ANKMY1: variants seen among roughly 807,000 people sequenced by gnomAD.
The protein encoded by ANKMY1 is ankyrin repeat and MYND domain-containing protein 1.
Under a neutral mutation model 102.0 loss-of-function variants are expected in ANKMY1, and 98 were observed. The observed-to-expected ratio is 0.96, with a 90% confidence interval of 0.82 to 1.14. ANKMY1 has a LOEUF of 1.14. Ranked by LOEUF, ANKMY1 falls within the 50% of genes most tolerant of loss-of-function variation. ANKMY1 has a pLI of 0.00. For missense variants in ANKMY1, 1,330 were observed against 1,347.6 expected (o/e 0.99, Z 0.20); for synonymous variants, 582 against 559.9 (o/e 1.04, Z -0.56).
intron 15 of ANKMY1, among the ~76,000 whole-genome samples, chr2:240,496,828 C>T (rs1028795473): frequency 6.6e-6 from 1 of 152,156 alleles, no homozygotes; most frequent in Non-Finnish European, 1.5e-5. Context: ...AATTAGAATT[C>T]GATCAGAGCT....
At position 240,529,411 on chromosome 2, in the gene ANKMY1, C is replaced by A; in HGVS notation, c.579G>T (p.Lys193Asn). The change falls in exon 5 of 18, where the codon AAG becomes AAT. Residue 193 changes from lysine (K) to asparagine (N), a missense_variant. Physicochemically the swap from Lys to Asn is moderately conservative, Grantham distance 94. Coordinates refer to ENST00000401804, the MANE Select transcript of ANKMY1 (RefSeq NM_001282771.3). The surrounding 1 kb of genome is among the most constrained non-coding windows in gnomAD (Gnocchi z 4.2). ...VGLWFREQLI[K>N]LCTQIPSGFS... ...AGCCACTGGGGATCTGGGTGCACAGCTTGATGAGCTGCTCTCGGAACCACA... is the reference window on the plus strand; with the variant it reads ...AGCCACTGGGGATCTGGGTGCACAGATTGATGAGCTGCTCTCGGAACCACA... 2 of 1,614,170 alleles carry A rather than the reference C, an allele frequency of 1.2e-6. No individual in the cohort carries two copies. The highest frequency in any genetic ancestry group is 1.7e-6 in the Non-Finnish European group (2 of 1,180,040).
chr2:240,555,143 G>A lies in ANKMY1; in HGVS notation c.147-88C>T, dbSNP rs2092155093. Reference sequence around the variant, plus strand: ...GAGCACAACCCCCGAGCACAACCCAGCATCTCATTTCATCCCACAGTCCCG... The same window carrying A: ...GAGCACAACCCCCGAGCACAACCCAACATCTCATTTCATCCCACAGTCCCG... On this transcript the variant is annotated intron_variant, in intron 2 of 17. Coordinates refer to ENST00000401804, the MANE Select transcript of ANKMY1 (RefSeq NM_001282771.3). 2.9e-6 allele frequency: 4 copies of A among 1,394,816 alleles called. No homozygotes were observed. In the Admixed American group the frequency reaches 7.5e-5, roughly 26 times the overall value. The allele number at this position is 1,394,816 out of a possible 1,614,324, so 86.4% of individuals were successfully genotyped here.
In ANKMY1 at chr2:240,552,300, A is replaced by G. The variant is rs2091656108; in HGVS notation, c.480+614T>C. On this transcript the variant is annotated intron_variant, in intron 4 of 17. Coordinates refer to ENST00000401804, the MANE Select transcript of ANKMY1 (RefSeq NM_001282771.3). ...TTGGCTCAGAATAAACCTCTTTAAA[A>G]TATTTTGCAGAGTTTGTTTTTTTTC... Among the ~76,000 whole-genome samples, 4 of 150,986 alleles carry G rather than the reference A, an allele frequency of 2.6e-5. No homozygotes were observed. The South Asian group carries it at 8.4e-4, about 32-fold the overall frequency.
At chr2:240,555,230 C>A (rs746104658) in intron 2 of ANKMY1, 175 bp from the exon 3 acceptor site, 1 of 669,716 alleles carries the variant, frequency 1.5e-6, no homozygotes, top group Non-Finnish European at 2.5e-6. Context: ...GAGGGTGCAG[C>A]GATTGCCCAA....
chr2:240,560,905 C>T, upstream of ANKMY1: 3 of 1,526,778 alleles, frequency 2.0e-6, no homozygotes, highest in South Asian at 1.2e-5. Flanking sequence ...TTCGACGACC[C>T]GGCTGAGGAC....
intron 2 of ANKMY1, among the ~76,000 whole-genome samples, chr2:240,556,346 C>G (rs1442487225): frequency 2.6e-5 from 4 of 152,354 alleles, no homozygotes; most frequent in South Asian, 4.1e-4. Flanking sequence ...GCTCTCTTAT[C>G]TGTAAACACT....
At chr2:240,523,444 G>C (rs992319235) in intron 8 of ANKMY1, 8 of 179,984 alleles carry the variant, frequency 4.4e-5, no homozygotes, top group Non-Finnish European at 9.4e-5. Context: ...TTGGACCCCC[G>C]GGGGTGCATA....
chr2:240,499,995 G>T lies in ANKMY1; in HGVS notation c.2769C>A (p.Ser923Arg), dbSNP rs1488260541. 1 of 1,612,944 alleles carries T rather than the reference G, an allele frequency of 6.2e-7. No homozygotes were observed. The highest frequency in any genetic ancestry group is 8.5e-7 in the Non-Finnish European group (1 of 1,179,798). ...QLRQAVFAKE[S>R]QWDPTWLYLC... ...GGTACAGCCACGTGGGGTCCCACTG[G>T]CTCTCCTTGGCAAAGACAGCCTGCC... Residue 923 changes from serine (S) to arginine (R), a missense_variant, in exon 15 of 18, where the codon AGC becomes AGA. Ser to Arg is a moderately radical substitution (Grantham distance 110). Transcript: ENST00000401804. The surrounding 1 kb of genome is among the most constrained non-coding windows in gnomAD (Gnocchi z 4.2).
At chr2:240,518,799 A>C (rs536861014) in intron 9 of ANKMY1, among the ~76,000 whole-genome samples, 1 of 152,316 alleles carries the variant, frequency 6.6e-6, no homozygotes, top group Non-Finnish European at 1.5e-5. Flanking sequence ...CAGTAAACCT[A>C]AAAAGGTATG....
intron 4 of ANKMY1, among the ~76,000 whole-genome samples, chr2:240,541,206 G>A (rs535896276): frequency 2.0e-5 from 3 of 152,218 alleles, no homozygotes; most frequent in Non-Finnish European, 2.9e-5. Context: ...CAGTAGGATC[G>A]GCTCTTCTTA....
At chr2:240,498,109 C>T (rs2077508300) in intron 15 of ANKMY1, among the ~76,000 whole-genome samples, 2 of 152,148 alleles carry the variant, frequency 1.3e-5, no homozygotes, top group South Asian at 4.2e-4. Context: ...AGCAAAGGTG[C>T]ATTCATGTGT....
chr2:240,511,959 C>T lies in ANKMY1; in HGVS notation c.2188G>A (p.Gly730Ser). 2 of 1,565,940 alleles carry T rather than the reference C, an allele frequency of 1.3e-6. No homozygotes were observed. Among genetic ancestry groups the T allele is most frequent in the East Asian group, 2.5e-5 (1 of 40,684 alleles). ...PSSLKLSNEP[G>S]PPQAYYSTDT... ...GTGCTGTAGTAGGCTTGGGGAGGGC[C>T]TGGCTCATTGCTGAGCTTCAGACTT... is the stretch of plus-strand genomic sequence containing the variant. The change falls in exon 11 of 18, where the codon GGC becomes AGC. Residue 730 changes from glycine (G) to serine (S), a missense_variant. Transcript: ENST00000401804.
intron 4 of ANKMY1, among the ~76,000 whole-genome samples, chr2:240,531,650 A>C (rs2085416871): frequency 6.6e-6 from 1 of 152,224 alleles, no homozygotes; most frequent in Non-Finnish European, 1.5e-5. Flanking sequence ...ACCCGGTAAA[A>C]TTGTATGTAT....
At chr2:240,541,897 G>A (rs539440315) in intron 4 of ANKMY1, among the ~76,000 whole-genome samples, 1 of 152,040 alleles carries the variant, frequency 6.6e-6, no homozygotes, top group Non-Finnish European at 1.5e-5. Context: ...TTGGGGTCTG[G>A]GGAGGTTTGG....
At chr2:240,560,415 G>A (rs971290026), upstream of ANKMY1, 17 of 361,664 alleles carry the variant, frequency 4.7e-5, no homozygotes, top group Admixed American at 5.4e-4. Flanking sequence ...CCCGGGGACA[G>A]AGAACATGGG....
At chr2:240,496,771 A>C (rs1307629243) in intron 15 of ANKMY1, among the ~76,000 whole-genome samples, 1 of 152,164 alleles carries the variant, frequency 6.6e-6, no homozygotes, top group Non-Finnish European at 1.5e-5. Context: ...GATTGTTCAT[A>C]ATTTGCAACA....
chr2:240,518,203 C>T (rs184674061), intron 9 of ANKMY1, among the ~76,000 whole-genome samples: 2 of 152,160 alleles, frequency 1.3e-5, no homozygotes, highest in Admixed American at 6.5e-5. Context: ...AACTTGGGAA[C>T]GTTACATTTG....
At chr2:240,548,976 G>T (rs1327112829) in intron 4 of ANKMY1, among the ~76,000 whole-genome samples, 1 of 152,086 alleles carries the variant, frequency 6.6e-6, no homozygotes, top group Non-Finnish European at 1.5e-5. Flanking sequence ...TCCCCATCAA[G>T]CTACCAATGA....
intron 15 of ANKMY1, among the ~76,000 whole-genome samples, chr2:240,488,003 G>A (rs1406305895): frequency 1.3e-5 from 2 of 151,952 alleles, no homozygotes; most frequent in Non-Finnish European, 2.9e-5. Context: ...TCTATTTTTG[G>A]TTTTGTTGCC....
Sources: allele counts gnomAD v4.1 joint callset (sites outside exome capture counted in the v4.1 genomes callset), GRCh38; gene constraint gnomAD v4.1.1; non-coding constraint Gnocchi (gnomAD v3.1); transcripts MANE v1.5; gene names NCBI Gene and HGNC (gene_info 2026-07-23, HGNC 2026-07-21).